CTNNA1: variants seen among roughly 807,000 people sequenced by gnomAD.
The protein encoded by CTNNA1 is catenin alpha 1.
A neutral mutation model predicts 98.4 loss-of-function variants in CTNNA1; 37 were observed. The observed-to-expected ratio is 0.38, with a 90% CI of 0.29 to 0.49. The LOEUF is 0.49. Ranked by LOEUF, CTNNA1 falls within the 20% of genes least tolerant of loss-of-function variation. The probability of loss-of-function intolerance (pLI) is 0.95; values close to 1 mark genes in which losing one functional copy is unlikely to be tolerated. For missense variants in CTNNA1, 761 were observed against 1,147.2 expected, an observed-to-expected ratio of 0.66 and a Z score of 4.86; for synonymous variants, 404 against 413.2, an observed-to-expected ratio of 0.98 and a Z score of 0.27.
intron 5 of CTNNA1, among the ~76,000 whole-genome samples, chr5:138,819,205 A>C (rs1466566404): frequency 5.3e-5 from 8 of 152,132 alleles, no homozygotes; most frequent in Non-Finnish European, 1.2e-4. Flanking sequence ...TAATGACTCT[A>C]GGCCCCCGGA....
At chr5:138,775,762 G>A (rs189356122) in intron 1 of CTNNA1, among the ~76,000 whole-genome samples, 2,612 of 112,920 alleles carry the variant, frequency 0.023, 36 homozygotes, top group Non-Finnish European at 0.03. Flanking sequence ...TGCTCTGTCC[G>A]CCCAGGCTGG....
chr5:138,931,038 C>A, intron 16 of CTNNA1, 103 bp downstream of exon 16: 2 of 709,588 alleles, frequency 2.8e-6, no homozygotes, highest in Non-Finnish European at 5.2e-6. Flanking sequence ...AGCACTTTTG[C>A]CACTCATCTC....
intron 1 of CTNNA1, among the ~76,000 whole-genome samples, chr5:138,771,962 T>C (rs1753602044): frequency 6.6e-6 from 1 of 152,320 alleles, no homozygotes; most frequent in African/African-American, 2.4e-5. Context: ...ATGGTTAAGG[T>C]AGTCTAAATC....
At chr5:138,832,740 A>G (rs1016660306) in intron 7 of CTNNA1, among the ~76,000 whole-genome samples, 1 of 152,230 alleles carries the variant, frequency 6.6e-6, no homozygotes. Flanking sequence ...GCCTATAAAC[A>G]TGAAATATCC....
chr5:138,887,590 AAGTT>A lies in CTNNA1; in HGVS notation c.1246_1249del (p.Val416ArgfsTer14), dbSNP rs1426385729. On this transcript the variant is annotated frameshift_variant, in exon 9 of 18. Transcript: ENST00000302763. LOFTEE classifies it high-confidence loss of function. ...GCTGCAAAGAATGGAAATGAGAAAG[AAGTT>A]AAGGAGTATGCCCAAGTTTTCCGTG... 1 of 1,612,118 alleles carries A rather than the reference AAGTT, an allele frequency of 6.2e-7. No individual in the cohort carries two copies. The highest frequency in any genetic ancestry group is 8.5e-7 in the Non-Finnish European group (1 of 1,179,276).
At position 138,810,078 on chromosome 5, in the gene CTNNA1, TC is replaced by T; in HGVS notation, c.345del (p.Cys116AlafsTer4). On this transcript the variant is annotated frameshift_variant, in exon 4 of 18. Coordinates refer to ENST00000302763, the MANE Select transcript of CTNNA1 (RefSeq NM_001903.5). LOFTEE classifies it high-confidence loss of function. ...KAAAGEFADD[P>X]CSSVKRGNMV... The stretch of plus-strand genomic sequence containing the variant: ...CTGCTGCAGGAGAGTTCGCAGATGA[TC>T]CCTGCTCTTCTGTGAAGCGAGGCAA... 6.2e-7 allele frequency: 1 copy of T among 1,614,068 alleles called. No individual in the cohort carries two copies.
chr5:138,771,577 C>T (rs1008122548), intron 1 of CTNNA1, among the ~76,000 whole-genome samples: 1 of 151,808 alleles, frequency 6.6e-6, no homozygotes, highest in Non-Finnish European at 1.5e-5. Context: ...TTTGTAGAGA[C>T]GAGGCCTCTA....
At position 138,917,480 on chromosome 5, in the gene CTNNA1, T is replaced by C. The variant is rs545430423; in HGVS notation, c.1390-262T>C. ...TATGAGGAGAAAAAAGTCTAGAATT[T>C]AGTGTCACTGAAAATGGTAGGCTTG... On this transcript the variant is annotated intron_variant, in intron 10 of 17. Coordinates refer to ENST00000302763, the MANE Select transcript of CTNNA1 (RefSeq NM_001903.5). Among the ~76,000 whole-genome samples the C allele has an allele frequency of 1.6e-4, 24 of 152,242 alleles. 1 individual carries two copies. Among genetic ancestry groups the C allele is most frequent in the Non-Finnish European group, 3.1e-4 (21 of 68,042 alleles).
At chr5:138,768,242 C>T (rs1028466993) in intron 1 of CTNNA1, among the ~76,000 whole-genome samples, 9 of 152,116 alleles carry the variant, frequency 5.9e-5, no homozygotes, top group Non-Finnish European at 1.2e-4. Flanking sequence ...TTGGATTTGT[C>T]AAATAGGTGT....
In CTNNA1 at chr5:138,913,089, TTTTG is replaced by T. The variant is rs565551609; in HGVS notation, c.1390-4645_1390-4642del. Among the ~76,000 whole-genome samples the T allele has an allele frequency of 8.5e-4, 130 of 152,234 alleles. 1 individual carries two copies. The highest frequency in any genetic ancestry group is 2.4e-3 in the African/African-American group (98 of 41,556). ...TTTTTTTAACTTTCGTTCAGTTTTT[TTTTG>T]TTTGTTTTTGTTTTTTAACTTTCAT... On this transcript the variant is annotated intron_variant, in intron 10 of 17. Coordinates refer to ENST00000302763, the MANE Select transcript of CTNNA1 (RefSeq NM_001903.5).
intron 5 of CTNNA1, among the ~76,000 whole-genome samples, chr5:138,819,128 A>G (rs190505994): frequency 6.6e-6 from 1 of 152,136 alleles, no homozygotes; most frequent in Non-Finnish European, 1.5e-5. Context: ...ATGTAGCTAC[A>G]ATTTGGGAAC....
rs1252185833 is a variant in CTNNA1, at chr5:138,924,605, C to T, written c.1642C>T (p.Arg548Trp). ...CCGCACAGCTGGTGCAATTCGAGGC[C>T]GGGCAGCCCGGGTCATTCACGTAGT... ...LDRTAGAIRG[R>W]AARVIHVVTS... The change falls in exon 12 of 18, where the codon CGG (arginine) becomes TGG (tryptophan). Residue 548 changes from arginine to tryptophan, a missense_variant. Around this residue, in one of 6 missense-constraint regions of CTNNA1, gnomAD observed 287 missense variants for 436.0 expected, o/e 0.66. Coordinates refer to ENST00000302763, the MANE Select transcript of CTNNA1 (RefSeq NM_001903.5). 1.9e-6 allele frequency: 3 copies of T among 1,614,012 alleles called. No homozygotes were observed. The highest frequency in any genetic ancestry group is 1.7e-5 in the Admixed American group (1 of 60,000).
intron 7 of CTNNA1, among the ~76,000 whole-genome samples, chr5:138,849,783 T>G (rs1763028979): frequency 6.6e-6 from 1 of 152,224 alleles, no homozygotes; most frequent in Non-Finnish European, 1.5e-5. Flanking sequence ...GTTGTTGAAC[T>G]GAGATCCTTA....
intron 1 of CTNNA1, among the ~76,000 whole-genome samples, chr5:138,756,464 C>T (rs1031728870): frequency 3.3e-5 from 5 of 152,106 alleles, no homozygotes; most frequent in African/African-American, 9.7e-5. Flanking sequence ...ACCGCACTTT[C>T]GGATTTCTTT....
At chr5:138,778,632 T>C (rs997578506) in intron 1 of CTNNA1, among the ~76,000 whole-genome samples, 1 of 152,240 alleles carries the variant, frequency 6.6e-6, no homozygotes, top group Admixed American at 6.5e-5. Flanking sequence ...TCTACTTGGT[T>C]AGCATTCTTT....
At chr5:138,863,240 AATTT>A (rs1182719960) in intron 7 of CTNNA1, among the ~76,000 whole-genome samples, 1 of 151,368 alleles carries the variant, frequency 6.6e-6, no homozygotes, top group Non-Finnish European at 1.5e-5. Flanking sequence ...ATATATATAT[AATTT>A]ATTTTTTTTG....
Position 138,925,322 on chromosome 5 carries a change from C to G in CTNNA1, c.1814C>G (p.Pro605Arg). 1 of 1,614,108 alleles carries G rather than the reference C, an allele frequency of 6.2e-7. No individual in the cohort carries two copies. The part of the protein sequence containing the change: ...VEALSSDPAQ[P>R]MDENEFIDAS... Reference sequence around the variant, plus strand: ...GCCCTCAGCTCGGACCCTGCCCAGCCCATGGATGAGAATGAGTTTATCGAT... The same window carrying G: ...GCCCTCAGCTCGGACCCTGCCCAGCGCATGGATGAGAATGAGTTTATCGAT... Residue 605 changes from proline to arginine, a missense_variant, in exon 13 of 18, where the codon CCC becomes CGC. By Grantham distance (103) the Pro-to-Arg change is moderately radical. Around this residue, in one of 6 missense-constraint regions of CTNNA1, gnomAD observed 287 missense variants for 436.0 expected, o/e 0.66. Coordinates refer to ENST00000302763, the MANE Select transcript of CTNNA1 (RefSeq NM_001903.5).
At chr5:138,758,063 A>T (rs755236335) in intron 1 of CTNNA1, among the ~76,000 whole-genome samples, 2 of 150,886 alleles carry the variant, frequency 1.3e-5, no homozygotes, top group Non-Finnish European at 3.0e-5. Flanking sequence ...CTGGAGTGCA[A>T]TGGCGTGATG....
Position 138,930,760 on chromosome 5 carries a change from A to G in CTNNA1, c.2193-70A>G, listed in dbSNP as rs1765124945. 6.5e-6 allele frequency: 10 copies of G among 1,532,128 alleles called. No homozygotes were observed. In the South Asian group the frequency reaches 9.0e-5, roughly 14 times the overall value. 94.9% of individuals were successfully genotyped at this position (1,532,128 alleles called of 1,614,324 possible). On this transcript the variant is annotated intron_variant, in intron 15 of 17. Transcript: ENST00000302763. ...CCCAGGCCATGGGGCTTTGTGGACA[A>G]TCTTCTTTTTCTACTCCAACTGTGA...
Sources: allele counts gnomAD v4.1 joint callset (sites outside exome capture counted in the v4.1 genomes callset), GRCh38; gene constraint gnomAD v4.1.1; regional missense constraint gnomAD v4.1.1; transcripts MANE v1.5; gene names NCBI Gene and HGNC (gene_info 2026-07-23, HGNC 2026-07-21).